Variants in BCO1 observed in about 807,000 individuals in gnomAD.
The protein encoded by BCO1 is beta,beta-carotene 15,15'-dioxygenase.
A neutral mutation model predicts 56.3 loss-of-function variants in BCO1; 54 were observed. That is an observed-to-expected ratio of 0.96 (90% CI 0.77 to 1.20). BCO1 has a LOEUF of 1.20. BCO1 is among the 50% of genes most tolerant of loss of function. The probability of loss-of-function intolerance (pLI) is 0.00; values close to 1 mark genes in which losing one functional copy is unlikely to be tolerated. For missense variants in BCO1, 801 were observed against 690.9 expected (o/e 1.16, Z -1.79); for synonymous variants, 318 against 266.1 (o/e 1.20, Z -1.90).
intron 5 of BCO1, 67 bp from the exon 6 acceptor site, chr16:81,267,841 G>A: frequency 2.2e-6 from 3 of 1,333,552 alleles, no homozygotes; most frequent in Middle Eastern, 2.2e-4. Context: ...GTAGGTGATG[G>A]TGGTGTGGTC....
chr16:81,255,613 C>CCTCA (rs897053310), intron 2 of BCO1, among the ~76,000 whole-genome samples: 1 of 151,492 alleles, frequency 6.6e-6, no homozygotes, highest in African/African-American at 2.4e-5. Flanking sequence ...GATTCTCCTG[C>CCTCA]CTCAGCCTCC....
chr16:81,281,677 G>A (rs1284240544), intron 8 of BCO1, among the ~76,000 whole-genome samples: 1 of 152,168 alleles, frequency 6.6e-6, no homozygotes, highest in Non-Finnish European at 1.5e-5. Flanking sequence ...AGACCCTCTA[G>A]AACAGGAGTC....
At chr16:81,253,069 A>G (rs1905909385) in intron 2 of BCO1, among the ~76,000 whole-genome samples, 2 of 152,122 alleles carry the variant, frequency 1.3e-5, no homozygotes, top group Admixed American at 6.6e-5. Flanking sequence ...AGATCGCACT[A>G]CTGCACTCCA....
intron 7 of BCO1, among the ~76,000 whole-genome samples, chr16:81,276,618 T>C (rs1907573111): frequency 6.6e-6 from 1 of 152,214 alleles, no homozygotes; most frequent in Non-Finnish European, 1.5e-5. Context: ...GGGTTCTCAA[T>C]TCACAGTCAT....
intron 1 of BCO1, among the ~76,000 whole-genome samples, chr16:81,243,454 A>ATCATTCATTCATTCAT (rs149998320): frequency 0.011 from 1,641 of 150,998 alleles, 9 homozygotes; most frequent in African/African-American, 0.015. Context: ...CCTGGTCTTG[A>ATCATTCATTCATTCAT]TCATTCATTC....
intron 10 of BCO1, among the ~76,000 whole-genome samples, chr16:81,289,595 C>G (rs1341722172): frequency 1.3e-5 from 2 of 152,164 alleles, no homozygotes; most frequent in East Asian, 3.8e-4. Context: ...GAGCTGTGAT[C>G]ACACCACTGC....
intron 1 of BCO1, among the ~76,000 whole-genome samples, chr16:81,242,365 T>A (rs1353939215): frequency 2.0e-5 from 3 of 151,994 alleles, no homozygotes; most frequent in Non-Finnish European, 4.4e-5. Flanking sequence ...CACACCCAGC[T>A]AATTTTTGTA....
At chr16:81,250,026 G>T (rs11150375) in intron 2 of BCO1, among the ~76,000 whole-genome samples, 1 of 151,860 alleles carries the variant, frequency 6.6e-6, no homozygotes, top group African/African-American at 2.4e-5. Context: ...TACTTTCCCA[G>T]TCAAACTCTT....
intron 2 of BCO1, among the ~76,000 whole-genome samples, chr16:81,245,981 G>A (rs1403657921): frequency 2.0e-5 from 3 of 149,462 alleles, no homozygotes; most frequent in Non-Finnish European, 4.4e-5. Flanking sequence ...TCCTGCCTCA[G>A]CCTCCTGAGT....
intron 7 of BCO1, among the ~76,000 whole-genome samples, chr16:81,273,416 A>G (rs973587191): frequency 1.4e-4 from 22 of 152,120 alleles, no homozygotes; most frequent in African/African-American, 5.3e-4. Context: ...TACAGTGTCC[A>G]GGGAGCCTTT....
At chr16:81,239,111 G>A in intron 1 of BCO1, 139 bp downstream of exon 1, 1 of 705,342 alleles carries the variant, frequency 1.4e-6, no homozygotes, top group Non-Finnish European at 2.4e-6. Flanking sequence ...CTGCCTCCTG[G>A]GTTCAAACGA....
At position 81,253,545 on chromosome 16, in the gene BCO1, C is replaced by G. The variant is rs139680540; in HGVS notation, c.194-6131C>G. 4.0e-3 allele frequency among the ~76,000 whole-genome samples: 604 copies of G among 152,308 alleles called. 2 individuals are homozygous for G. The highest frequency in any genetic ancestry group is 0.014 in the African/African-American group (583 of 41,554). ...TGTTATATTTTCACTCCTGGCCCAT[C>G]AGGGCAGTTAATAAATAATGGTTGA... On this transcript the variant is annotated intron_variant, in intron 2 of 10. Coordinates refer to ENST00000258168, the MANE Select transcript of BCO1 (RefSeq NM_017429.3).
chr16:81,241,487 G>T (rs906030862), intron 1 of BCO1, among the ~76,000 whole-genome samples: 1 of 152,196 alleles, frequency 6.6e-6, no homozygotes, highest in Non-Finnish European at 1.5e-5. Flanking sequence ...GTTCTCAAAG[G>T]GGTGGCCCCG....
chr16:81,277,157 C>T (rs371850507), intron 7 of BCO1, among the ~76,000 whole-genome samples: 3 of 151,908 alleles, frequency 2.0e-5, no homozygotes, highest in South Asian at 2.1e-4. Flanking sequence ...GCCTGTTCCA[C>T]GCCATCATGA....
In BCO1 at chr16:81,259,778, C is replaced by T. The variant is rs746573315; in HGVS notation, c.296C>T (p.Pro99Leu). The T allele has an allele frequency of 1.1e-5, 17 of 1,614,056 alleles. No homozygotes were observed. Among genetic ancestry groups the T allele is most frequent in the South Asian group, 4.4e-5 (4 of 91,090 alleles). Residue 99 changes from proline to leucine, a missense_variant, in exon 3 of 11, where the codon CCG (proline) becomes CTG (leucine). Physicochemically the swap from Pro to Leu is moderately conservative, Grantham distance 98. Coordinates refer to ENST00000258168, the MANE Select transcript of BCO1 (RefSeq NM_017429.3). Reference protein sequence around the residue: ...VVSEFGTMAYPDPCKNIFSKA... With the variant: ...VVSEFGTMAYLDPCKNIFSKA... ...TCTGAGTTTGGAACAATGGCCTATC[C>T]GGACCCCTGCAAAAACATATTTTCC... is the stretch of plus-strand genomic sequence containing the variant.
rs937718247 is a variant in BCO1, at chr16:81,280,871, C to G, written c.1116C>G (p.Gly372=). 6.2e-7 allele frequency: 1 copy of G among 1,613,406 alleles called. No individual in the cohort carries two copies. Among genetic ancestry groups the G allele is most frequent in the Non-Finnish European group, 8.5e-7 (1 of 1,179,446 alleles). ...PLHVDKNAEV[G]TNLIKVASTT... is the part of the protein sequence containing the mutation. ...AATTTTTTCAGAATGCAGAAGTGGG[C>G]ACAAATTTAATCAAAGTGGCATCTA... is the stretch of plus-strand genomic sequence containing the variant. The change falls in exon 8 of 11, where the codon GGC becomes GGG. Residue 372 remains glycine, a synonymous_variant. Coordinates refer to ENST00000258168, the MANE Select transcript of BCO1 (RefSeq NM_017429.3).
rs1031187081 is a variant in BCO1, at chr16:81,262,301, A to G, written c.471+18A>G. The G allele has an allele frequency of 1.2e-6, 2 of 1,607,506 alleles. No homozygotes were observed. The highest frequency in any genetic ancestry group is 1.7e-6 in the Non-Finnish European group (2 of 1,174,288). On this transcript the variant is annotated intron_variant, in intron 4 of 10. Coordinates refer to ENST00000258168, the MANE Select transcript of BCO1 (RefSeq NM_017429.3). The stretch of plus-strand genomic sequence containing the variant: ...TGGAGAAGGTATCAACACATATGTA[A>G]CCAGCATCACTTCCTGACTCAAGAA...
intron 2 of BCO1, among the ~76,000 whole-genome samples, chr16:81,257,766 C>T (rs879777875): frequency 6.6e-6 from 1 of 151,332 alleles, no homozygotes. Context: ...GTAATACCAG[C>T]TACTCGGGGA....
Position 81,290,334 on chromosome 16 carries a change from C to A in BCO1, c.1415-14C>A. 6.2e-7 allele frequency: 1 copy of A among 1,602,772 alleles called. No homozygotes were observed. The highest frequency in any genetic ancestry group is 8.5e-7 in the Non-Finnish European group (1 of 1,169,848). ...TGCACTTTTACGAAGTGTTTTTTTTCTGTTTCCCTAAAGGAGTAATCTTAT... is the reference window on the plus strand; with the variant it reads ...TGCACTTTTACGAAGTGTTTTTTTTATGTTTCCCTAAAGGAGTAATCTTAT... On this transcript the variant is annotated splice_polypyrimidine_tract_variant and intron_variant, in intron 10 of 10. Coordinates refer to ENST00000258168, the MANE Select transcript of BCO1 (RefSeq NM_017429.3).
Sources: allele counts gnomAD v4.1 joint callset (sites outside exome capture counted in the v4.1 genomes callset), GRCh38; gene constraint gnomAD v4.1.1; transcripts MANE v1.5; gene names NCBI Gene and HGNC (gene_info 2026-07-23, HGNC 2026-07-21).